PTPRA: variants seen among roughly 807,000 people sequenced by gnomAD.
The protein encoded by PTPRA is receptor-type tyrosine-protein phosphatase alpha.
A neutral mutation model predicts 104.8 loss-of-function variants in PTPRA; 25 were observed. That is an observed-to-expected ratio of 0.24 (90% CI 0.17 to 0.33). The LOEUF is 0.33. Ranked by LOEUF, PTPRA falls within the 10% of genes least tolerant of loss-of-function variation. The probability of loss-of-function intolerance (pLI) is 1.00; values close to 1 mark genes in which losing one functional copy is unlikely to be tolerated. For synonymous variants in PTPRA, 323 were observed against 368.9 expected (o/e 0.88, Z 1.43); for missense variants, 765 against 1,015.3 (o/e 0.75, Z 3.35).
At chr20:2,951,072 A>ATGTG (rs1308900583) in intron 3 of PTPRA, among the ~76,000 whole-genome samples, 2 of 151,958 alleles carry the variant, frequency 1.3e-5, no homozygotes, top group Middle Eastern at 3.4e-3. Context: ...AGTATTAACC[A>ATGTG]TGTGTTTGTT....
intron 1 of PTPRA, among the ~76,000 whole-genome samples, chr20:2,905,837 A>C (rs1336210680): frequency 6.6e-6 from 1 of 151,368 alleles, no homozygotes; most frequent in African/African-American, 2.4e-5. Flanking sequence ...GGCATGCGCC[A>C]CCACACCTGG....
chr20:2,925,266 A>G (rs1282231965), intron 2 of PTPRA, among the ~76,000 whole-genome samples: 1 of 152,198 alleles, frequency 6.6e-6, no homozygotes, highest in Non-Finnish European at 1.5e-5. Context: ...GTTACCTCGT[A>G]TAAGTGGAAT....
intron 1 of PTPRA, among the ~76,000 whole-genome samples, chr20:2,879,790 A>G (rs2089948325): frequency 6.6e-6 from 1 of 152,236 alleles, no homozygotes; most frequent in African/African-American, 2.4e-5. Context: ...GTACAGTAAC[A>G]TGCTGTACAG....
In PTPRA at chr20:2,964,166, G is replaced by T. The variant is rs561594464; in HGVS notation, c.-6-106G>T. On this transcript the variant is annotated intron_variant, in intron 3 of 23. Coordinates refer to ENST00000399903, the MANE Select transcript of PTPRA (RefSeq NM_001385305.1). Reference sequence around the variant, plus strand: ...GGCTCCCAAAAGATCATTGGTTTAGGCACACATTTTAATAGCTTGGAAATC... The same window carrying T: ...GGCTCCCAAAAGATCATTGGTTTAGTCACACATTTTAATAGCTTGGAAATC... The T allele has an allele frequency of 4.5e-6, 4 of 889,880 alleles. No homozygotes were observed. The African/African-American group carries it at 5.2e-5, about 12-fold the overall frequency. 55.1% of individuals were successfully genotyped at this position (889,880 alleles called of 1,614,324 possible). A position where few individuals can be genotyped will look rare whatever the true frequency, so the allele number is the denominator to read the frequency against.
chr20:3,033,491 G>A (rs752826304), intron 20 of PTPRA, among the ~76,000 whole-genome samples: 55 of 151,970 alleles, frequency 3.6e-4, no homozygotes, highest in Non-Finnish European at 5.6e-4. Flanking sequence ...GCGCAGCCTC[G>A]TCTGCAGTGG....
At chr20:2,953,354 A>C (rs1477335077) in intron 3 of PTPRA, among the ~76,000 whole-genome samples, 1 of 151,978 alleles carries the variant, frequency 6.6e-6, no homozygotes, top group African/African-American at 2.4e-5. Context: ...CCCCGGGTTC[A>C]AGCGATTCTC....
chr20:2,991,220 G>T (rs182946666), intron 9 of PTPRA, among the ~76,000 whole-genome samples: 2 of 152,016 alleles, frequency 1.3e-5, no homozygotes, highest in South Asian at 4.1e-4. Flanking sequence ...TTAGCCAGGC[G>T]TGGTGGCACG....
intron 1 of PTPRA, among the ~76,000 whole-genome samples, chr20:2,916,455 G>A (rs2059906900): frequency 1.3e-5 from 2 of 152,146 alleles, no homozygotes; most frequent in Non-Finnish European, 1.5e-5. Flanking sequence ...ATTGAATGTT[G>A]TCTTAGCACT....
chr20:2,897,432 G>T (rs1161924999), intron 1 of PTPRA, among the ~76,000 whole-genome samples: 1 of 140,600 alleles, frequency 7.1e-6, no homozygotes, highest in African/African-American at 2.7e-5. Flanking sequence ...TTGTCACCCA[G>T]GCTGGAGTGC....
intron 9 of PTPRA, among the ~76,000 whole-genome samples, chr20:2,989,868 T>A (rs944178036): frequency 2.6e-5 from 4 of 151,874 alleles, no homozygotes; most frequent in Non-Finnish European, 5.9e-5. Flanking sequence ...ATACAAAAAA[T>A]TAGCTGGGCA....
Position 3,024,590 on chromosome 20 carries a change from CCAG to C in PTPRA, c.1586_1588del (p.Ser529del). On this transcript the variant is annotated inframe_deletion, in exon 17 of 24. Transcript: ENST00000399903. Reference sequence around the variant, plus strand: ...AAAATTTACAACAAAATCCCAGGGACCAGCAACAATGGATTAGAGGAGGAGTTT... The same window carrying C: ...AAAATTTACAACAAAATCCCAGGGACCAACAATGGATTAGAGGAGGAGTTT... The C allele has an allele frequency of 6.2e-7, 1 of 1,614,132 alleles. No homozygotes were observed. The highest frequency in any genetic ancestry group is 8.5e-7 in the Non-Finnish European group (1 of 1,180,016).
intron 20 of PTPRA, among the ~76,000 whole-genome samples, chr20:3,033,235 C>A (rs890427438): frequency 6.6e-6 from 1 of 151,906 alleles, no homozygotes; most frequent in Non-Finnish European, 1.5e-5. Context: ...TTTCCTCCTT[C>A]CCCCGACACC....
chr20:3,019,944 C>T (rs1432564043), intron 13 of PTPRA, among the ~76,000 whole-genome samples: 1 of 151,942 alleles, frequency 6.6e-6, no homozygotes, highest in Non-Finnish European at 1.5e-5. Context: ...CGTGGCGGCG[C>T]GCGCCTGCAA....
intron 20 of PTPRA, among the ~76,000 whole-genome samples, chr20:3,029,329 C>A (rs1000946213): frequency 1.3e-5 from 2 of 151,780 alleles, no homozygotes; most frequent in Non-Finnish European, 2.9e-5. Flanking sequence ...TTTGTAGAGA[C>A]AGGGTTTCAC....
chr20:2,953,532 C>T (rs1206109524), intron 3 of PTPRA, among the ~76,000 whole-genome samples: 1 of 151,984 alleles, frequency 6.6e-6, no homozygotes, highest in Non-Finnish European at 1.5e-5. Flanking sequence ...GGATTACAGG[C>T]GTGAGCCACT....
At chr20:2,980,135 C>G (rs1012634452) in intron 6 of PTPRA, among the ~76,000 whole-genome samples, 2 of 151,392 alleles carry the variant, frequency 1.3e-5, no homozygotes, top group Non-Finnish European at 2.9e-5. Context: ...TGCTCTTAAA[C>G]TACCAACCTC....
intron 1 of PTPRA, among the ~76,000 whole-genome samples, chr20:2,888,423 A>G (rs546454735): frequency 6.6e-6 from 1 of 152,084 alleles, no homozygotes; most frequent in African/African-American, 2.4e-5. Context: ...GCCAGGTGTA[A>G]TGGCATGCAC....
At position 2,931,538 on chromosome 20, in the gene PTPRA, G is replaced by T. The variant is rs534202573; in HGVS notation, c.-50+8253G>T. On this transcript the variant is annotated intron_variant, in intron 2 of 23. Coordinates refer to ENST00000399903, the MANE Select transcript of PTPRA (RefSeq NM_001385305.1). ...CCTTTGTTTTGATTTGAGCCTTTGT[G>T]TGGGAGAAAGGATATGGCGAGAAGA... Among the ~76,000 whole-genome samples, 6 of 152,322 alleles carry T rather than the reference G, an allele frequency of 3.9e-5. No homozygotes were observed. In the South Asian group the frequency reaches 1.2e-3, roughly 32 times the overall value.
At position 3,024,477 on chromosome 20, in the gene PTPRA, G is replaced by A. The variant is rs1183216780; in HGVS notation, c.1470G>A (p.Gln490=). 2 of 1,613,132 alleles carry A rather than the reference G, an allele frequency of 1.2e-6. No homozygotes were observed. The highest frequency in any genetic ancestry group is 1.7e-6 in the Non-Finnish European group (2 of 1,179,186). The change falls in exon 17 of 24, where the codon CAG becomes CAA. Residue 490 remains glutamine, a synonymous_variant. Coordinates refer to ENST00000399903, the MANE Select transcript of PTPRA (RefSeq NM_001385305.1). ...CTGTGTCATTCATGTTTCAGATGCA[G>A]TATGTCTTCATATACCAAGCCCTTC... ...QRCQMVQTDM[Q]YVFIYQALLE...
Sources: allele counts gnomAD v4.1 joint callset (sites outside exome capture counted in the v4.1 genomes callset), GRCh38; gene constraint gnomAD v4.1.1; transcripts MANE v1.5; gene names NCBI Gene and HGNC (gene_info 2026-07-23, HGNC 2026-07-21).